The following DGKD variants were observed in gnomAD, a reference collection of about 807,000 sequenced individuals.
DGKD encodes the protein diacylglycerol kinase delta.
A neutral mutation model predicts 154.4 loss-of-function variants in DGKD; 68 were observed. The ratio of observed to expected loss-of-function variants is 0.44; its 90% CI spans 0.36 to 0.54. The LOEUF (loss-of-function observed/expected upper bound fraction) is 0.54. Ranked by LOEUF, DGKD falls within the 20% of genes least tolerant of loss-of-function variation. The pLI is 0.00. For missense variants in DGKD, 1,343 were observed against 1,593.6 expected (o/e 0.84, Z 2.68); for synonymous variants, 693 against 638.0 (o/e 1.09, Z -1.30).
intron 11 of DGKD, among the ~76,000 whole-genome samples, chr2:233,446,256 A>G (rs373138086): frequency 2.8e-4 from 43 of 152,360 alleles, no homozygotes; most frequent in African/African-American, 9.9e-4. Context: ...CCTGTGGCAC[A>G]TGGGGTGCTG....
At chr2:233,388,179 A>T (rs1357260173) in intron 1 of DGKD, 78 bp from the exon 2 acceptor site, 1 of 1,574,182 alleles carries the variant, frequency 6.4e-7, no homozygotes. Flanking sequence ...TTTCAGCCGC[A>T]ACAGGCTGCG....
rs548993174 is a variant in DGKD at position 233,416,639 on chromosome 2, A to G, written c.349-17741A>G. On this transcript the variant is annotated intron_variant, in intron 3 of 29. Coordinates refer to ENST00000264057, the MANE Select transcript of DGKD (RefSeq NM_152879.3). ...CCCAGAGAAAAATGGATAAATTATG[A>G]CAGCGTGGTGGCTGTCAGACTTAAG... is the stretch of plus-strand genomic sequence containing the variant. Among the ~76,000 whole-genome samples the G allele has an allele frequency of 2.1e-3, 321 of 152,348 alleles. 5 individuals are homozygous for G. The highest frequency in any genetic ancestry group is 0.019 in the Admixed American group (295 of 15,310).
At chr2:233,400,731 T>C (rs1304278960) in intron 3 of DGKD, among the ~76,000 whole-genome samples, 2 of 151,974 alleles carry the variant, frequency 1.3e-5, no homozygotes, top group African/African-American at 4.8e-5. Context: ...CAGGGCTGCT[T>C]GCACAGCTGG....
intron 3 of DGKD, among the ~76,000 whole-genome samples, chr2:233,396,927 T>TGG (rs1416729243): frequency 3.1e-5 from 3 of 96,594 alleles, no homozygotes; most frequent in South Asian, 3.7e-4. Flanking sequence ...CCAGCGTGGC[T>TGG]GGGGGGGGCC....
At chr2:233,396,617 T>C (rs1015009560) in intron 3 of DGKD, among the ~76,000 whole-genome samples, 1 of 152,164 alleles carries the variant, frequency 6.6e-6, no homozygotes, top group East Asian at 1.9e-4. Context: ...GGGGAGGGGC[T>C]GGGCAGTCTT....
At chr2:233,436,670 ATTG>A (rs2062707842) in intron 7 of DGKD, among the ~76,000 whole-genome samples, 1 of 152,194 alleles carries the variant, frequency 6.6e-6, no homozygotes, top group Admixed American at 6.5e-5. Flanking sequence ...GCAGATGTGT[ATTG>A]TTATGACAGA....
At chr2:233,408,351 T>C (rs1174856219) in intron 3 of DGKD, among the ~76,000 whole-genome samples, 1 of 152,242 alleles carries the variant, frequency 6.6e-6, no homozygotes, top group Non-Finnish European at 1.5e-5. Flanking sequence ...CTGTATATAA[T>C]TGGCAAATGT....
At chr2:233,427,373 C>T (rs1044800252) in intron 3 of DGKD, among the ~76,000 whole-genome samples, 1 of 136,222 alleles carries the variant, frequency 7.3e-6, no homozygotes, top group Admixed American at 7.9e-5. Flanking sequence ...CAGGGTCTCA[C>T]TCTGTCACCC....
At chr2:233,462,139 G>C (rs1394223843) in intron 24 of DGKD, among the ~76,000 whole-genome samples, 2 of 152,180 alleles carry the variant, frequency 1.3e-5, no homozygotes, top group Admixed American at 1.3e-4. Context: ...CAGATTTCTC[G>C]TGGAAGCCCT....
Position 233,469,828 on chromosome 2 carries a change from C to CG in DGKD, c.*373dup. On this transcript the variant is annotated 3_prime_UTR_variant, in exon 30 of 30. Coordinates refer to ENST00000264057, the MANE Select transcript of DGKD (RefSeq NM_152879.3). Reference sequence around the variant, plus strand: ...GCCTGGCCTCGTGCTTGGATTGTCCCGGGGGCTCCTCTCCGTGTGTCCTTC... The same window carrying CG: ...GCCTGGCCTCGTGCTTGGATTGTCCCGGGGGGCTCCTCTCCGTGTGTCCTTC... 1 of 212,762 alleles carries CG rather than the reference C, an allele frequency of 4.7e-6. No individual in the cohort carries two copies. The highest frequency in any genetic ancestry group is 9.4e-6 in the Non-Finnish European group (1 of 106,358). 13.2% of individuals were successfully genotyped at this position (212,762 alleles called of 1,614,324 possible). A position where few individuals can be genotyped will look rare whatever the true frequency, so the allele number is the denominator to read the frequency against.
chr2:233,462,536 C>A, intron 25 of DGKD, 77 bp downstream of exon 25: 2 of 1,517,928 alleles, frequency 1.3e-6, no homozygotes, highest in South Asian at 1.1e-5. Context: ...CGTGTTCATT[C>A]CCCCGCCTCC....
At chr2:233,419,341 C>G (rs2062044614) in intron 3 of DGKD, 1 of 985,358 alleles carries the variant, frequency 1.0e-6, no homozygotes. Context: ...CTTTAACACC[C>G]AGTTTTTGTT....
At chr2:233,451,152 C>A in intron 17 of DGKD, 102 bp downstream of exon 17, 1 of 1,303,558 alleles carries the variant, frequency 7.7e-7, no homozygotes, top group Non-Finnish European at 1.0e-6. Flanking sequence ...AGTTTACAGG[C>A]CCCTGAGAAA....
chr2:233,415,600 A>G (rs2061941275), intron 3 of DGKD, among the ~76,000 whole-genome samples: 1 of 152,238 alleles, frequency 6.6e-6, no homozygotes, highest in Admixed American at 6.5e-5. Flanking sequence ...ATTAAGGCAT[A>G]GATAAATTTG....
chr2:233,355,694 A>G (rs1203949948), intron 1 of DGKD, among the ~76,000 whole-genome samples: 2 of 152,238 alleles, frequency 1.3e-5, no homozygotes, highest in East Asian at 3.8e-4. Flanking sequence ...TTCAGCAAAT[A>G]GGTACCGAAC....
chr2:233,375,590 C>T (rs1702532978), intron 1 of DGKD, among the ~76,000 whole-genome samples: 1 of 151,978 alleles, frequency 6.6e-6, no homozygotes, highest in South Asian at 2.1e-4. Context: ...GGTGCCTTGC[C>T]CTCTGAGGTG....
chr2:233,437,273 A>C (rs2062729014), intron 7 of DGKD, 104 bp from the exon 8 acceptor site: 1 of 1,047,004 alleles, frequency 9.6e-7, no homozygotes, highest in Non-Finnish European at 1.4e-6. Flanking sequence ...CTCTGAAATC[A>C]CCTGCCTCCC....
Position 233,470,898 on chromosome 2 carries a change from G to A in DGKD, c.*1438G>A, listed in dbSNP as rs1308743649. The A allele has an allele frequency of 2.0e-5, 3 of 152,268 alleles. No homozygotes were observed. The highest frequency in any genetic ancestry group is 6.6e-5 in the Admixed American group (1 of 15,266). 9.4% of individuals were successfully genotyped at this position (152,268 alleles called of 1,614,324 possible). ...AAGGACAGTGTTGGGAGTATCTGCC[G>A]GCGCTGTCCAGGTCCTTTAGTCAGC... On this transcript the variant is annotated 3_prime_UTR_variant, in exon 30 of 30. Coordinates refer to ENST00000264057, the MANE Select transcript of DGKD (RefSeq NM_152879.3).
rs776171645 is a variant in DGKD at position 233,450,120 on chromosome 2, G to T, written c.2027G>T (p.Ser676Ile). 1.2e-6 allele frequency: 2 copies of T among 1,611,346 alleles called. No individual in the cohort carries two copies. The highest frequency in any genetic ancestry group is 1.7e-6 in the Non-Finnish European group (2 of 1,178,586). ...AGCTTCGGGGTCCCCAAGGGGAGGA[G>T]CCAGCGCAAAGGTACTTGTGCCTCC... ...SESFGVPKGR[S>I]QRKVSKSPCE... The change falls in exon 16 of 30, where the codon AGC (serine) becomes ATC (isoleucine). Residue 676 changes from serine (S) to isoleucine (I), a missense_variant. Around this residue, in one of 6 missense-constraint regions of DGKD, gnomAD observed 409 missense variants for 446.0 expected, o/e 0.92. Transcript: ENST00000264057.
Sources: gnomAD v4.1 joint callset for allele counts (sites outside exome capture counted in the v4.1 genomes callset) on GRCh38, gnomAD v4.1.1 for gene constraint, gnomAD v4.1.1 regional missense constraint, MANE v1.5 for transcripts, NCBI Gene and HGNC (gene_info 2026-07-23, HGNC 2026-07-21) for gene names.